Variants in C1orf35 observed in about 807,000 individuals in gnomAD.
C1orf35 encodes the protein chromosome 1 open reading frame 35, also known as multiple myeloma tumor-associated protein 2.
In C1orf35, 36 loss-of-function variants were observed where a neutral mutation model predicts 30.9. The observed-to-expected ratio is 1.16, with a 90% CI of 0.89 to 1.54. C1orf35 has a LOEUF of 1.54. Among genes scored for constraint, C1orf35 ranks in the 40% most tolerant of loss-of-function variants. The probability of loss-of-function intolerance (pLI) is 0.00; values close to 1 mark genes in which losing one functional copy is unlikely to be tolerated. For synonymous variants in C1orf35, 179 were observed against 148.2 expected, an observed-to-expected ratio of 1.21 and a Z score of -1.51; for missense variants, 396 against 358.7, an observed-to-expected ratio of 1.10 and a Z score of -0.84.
chr1:228,102,549 C>T lies in C1orf35; in HGVS notation c.303G>A (p.Glu101=), dbSNP rs2033000198. The T allele has an allele frequency of 6.4e-7, 1 of 1,561,696 alleles. No homozygotes were observed. The highest frequency in any genetic ancestry group is 2.4e-5 in the East Asian group (1 of 41,824). Residue 101 remains glutamate, a synonymous_variant, in exon 4 of 8, where the codon GAG becomes GAA. Coordinates refer to ENST00000272139, the MANE Select transcript of C1orf35 (RefSeq NM_024319.4). ...PTGLSKEDFA[E]VCKREGGDPE... is the part of the protein sequence containing the mutation. Reference sequence around the variant, plus strand: ...GGTCGCCTCCTTCCCGCTTGCAGACCTCCGCGAAGTCCTGCAGGTGCGAGA... The same window carrying T: ...GGTCGCCTCCTTCCCGCTTGCAGACTTCCGCGAAGTCCTGCAGGTGCGAGA...
chr1:228,102,476 A>T lies in C1orf35; in HGVS notation c.374+2T>A. On this transcript the variant is annotated splice_donor_variant, in intron 4 of 7. Transcript: ENST00000272139. LOFTEE classifies it high-confidence loss of function. Reference sequence around the variant, plus strand: ...TGCCCTCCCCTGGAAACCCGCCCGCACCTTGCGCTCCCCAGCCCCAGCAGC... The same window carrying T: ...TGCCCTCCCCTGGAAACCCGCCCGCTCCTTGCGCTCCCCAGCCCCAGCAGC... 6.4e-7 allele frequency: 1 copy of T among 1,557,892 alleles called. No individual in the cohort carries two copies. Among genetic ancestry groups the T allele is most frequent in the Non-Finnish European group, 8.7e-7 (1 of 1,155,854 alleles).
chr1:228,101,085 A>AG lies in C1orf35; in HGVS notation c.*45dup. 1 of 1,605,744 alleles carries AG rather than the reference A, an allele frequency of 6.2e-7. No homozygotes were observed. The highest frequency in any genetic ancestry group is 1.1e-5 in the South Asian group (1 of 90,958). ...CCGAGGCAGGAGGCAAGCAAGGTGA[A>AG]GGGAGGGTTCAGGGTCCCACAACAG... On this transcript the variant is annotated 3_prime_UTR_variant, in exon 8 of 8. Transcript: ENST00000272139.
At position 228,103,312 on chromosome 1, in the gene C1orf35, C is replaced by A; in HGVS notation, c.-85G>T. ...GACCCGCTACCCACTACCGTCGGAC[C>A]CAGGCCCGACCCCGCCTCCGCGTCG... On this transcript the variant is annotated 5_prime_UTR_variant, in exon 1 of 8. Transcript: ENST00000272139. The A allele has an allele frequency of 1.4e-6, 2 of 1,469,082 alleles. No individual in the cohort carries two copies. Among genetic ancestry groups the A allele is most frequent in the Admixed American group, 2.2e-5 (1 of 46,056 alleles). 91.0% of individuals were successfully genotyped at this position (1,469,082 alleles called of 1,614,324 possible).
intron 4 of C1orf35, 48 bp from the exon 5 acceptor site, chr1:228,102,430 C>T: frequency 6.3e-7 from 1 of 1,584,412 alleles, no homozygotes; most frequent in Non-Finnish European, 8.6e-7. Context: ...TCCGCCTCAC[C>T]CGAGCAATCG....
Position 228,100,968 on chromosome 1 carries a change from GA to G in C1orf35, c.*162del. The G allele has an allele frequency of 9.3e-7, 1 of 1,072,850 alleles. No individual in the cohort carries two copies. The highest frequency in any genetic ancestry group is 1.3e-6 in the Non-Finnish European group (1 of 752,512). The allele number at this position is 1,072,850 out of a possible 1,614,324, so 66.5% of individuals were successfully genotyped here. Reference sequence around the variant, plus strand: ...GTTTTCCAGGAAGCCGGCTGCTCCAGAGCTAGCTGTCAAGTCTTTAGCCCCA... The same window carrying G: ...GTTTTCCAGGAAGCCGGCTGCTCCAGGCTAGCTGTCAAGTCTTTAGCCCCA... On this transcript the variant is annotated 3_prime_UTR_variant, in exon 8 of 8. Coordinates refer to ENST00000272139, the MANE Select transcript of C1orf35 (RefSeq NM_024319.4).
In C1orf35 at chr1:228,102,402, A is replaced by T. The variant is rs1169727375; in HGVS notation, c.375-20T>A. The T allele has an allele frequency of 2.5e-6, 4 of 1,607,262 alleles. No individual in the cohort carries two copies. In the East Asian group the frequency reaches 9.0e-5, roughly 36 times the overall value. ...GAGCCACTGCAGGGACATGGCGATG[A>T]AGACAGTACGGCAGGGGTCCGCCTC... On this transcript the variant is annotated intron_variant, in intron 4 of 7. Coordinates refer to ENST00000272139, the MANE Select transcript of C1orf35 (RefSeq NM_024319.4).
intron 4 of C1orf35, 26 bp from the exon 5 acceptor site, chr1:228,102,408 G>A (rs1170996729): frequency 6.2e-7 from 1 of 1,603,382 alleles, no homozygotes; most frequent in South Asian, 1.1e-5. Flanking sequence ...GATGAAGACA[G>A]TACGGCAGGG....
At chr1:228,101,896 G>T in intron 6 of C1orf35, 184 bp downstream of exon 6, 1 of 1,422,316 alleles carries the variant, frequency 7.0e-7, no homozygotes. Flanking sequence ...TCTCTTCAAG[G>T]GTGACCCGAG....
At chr1:228,102,857 C>A (rs1408518236) in intron 2 of C1orf35, 42 bp downstream of exon 2, 1 of 1,378,846 alleles carries the variant, frequency 7.3e-7, no homozygotes, top group Non-Finnish European at 9.3e-7. Context: ...GCCCCGGCAG[C>A]GCCGTCCCAG....
Position 228,102,950 on chromosome 1 carries a change from T to C in C1orf35, c.194A>G (p.Glu65Gly). 2 of 1,516,486 alleles carry C rather than the reference T, an allele frequency of 1.3e-6. No individual in the cohort carries two copies. Among genetic ancestry groups the C allele is most frequent in the Non-Finnish European group, 8.8e-7 (1 of 1,137,908 alleles). 93.9% of individuals were successfully genotyped at this position (1,516,486 alleles called of 1,614,324 possible). Residue 65 changes from glutamate to glycine, a missense_variant, in exon 2 of 8, where the codon GAG becomes GGG. Glu to Gly is a moderately conservative substitution (Grantham distance 98). Coordinates refer to ENST00000272139, the MANE Select transcript of C1orf35 (RefSeq NM_024319.4). ...CGCCTCCCGCACGGCTGCCAGTTCCTCCTCGCGGCTCGGGCCCGCGCATGG... is the reference window on the plus strand; with the variant it reads ...CGCCTCCCGCACGGCTGCCAGTTCCCCCTCGCGGCTCGGGCCCGCGCATGG... Reference protein sequence around the residue: ...RAPCAGPSREEELAAVREAER... With the variant: ...RAPCAGPSREGELAAVREAER...
intron 6 of C1orf35, 68 bp downstream of exon 6, chr1:228,102,012 G>T: frequency 6.9e-7 from 1 of 1,442,964 alleles, no homozygotes. Flanking sequence ...TGCCCGAGTG[G>T]GAGCCGCTCC....
intron 2 of C1orf35, 22 bp from the exon 3 acceptor site, chr1:228,102,710 C>A: frequency 6.2e-7 from 1 of 1,600,236 alleles, no homozygotes; most frequent in Non-Finnish European, 8.5e-7. Flanking sequence ...CCGGGGCAGG[C>A]GTCAGGACGG....
Position 228,100,872 on chromosome 1 carries a change from A to G in C1orf35, c.*259T>C, listed in dbSNP as rs895199503. On this transcript the variant is annotated 3_prime_UTR_variant, in exon 8 of 8. Coordinates refer to ENST00000272139, the MANE Select transcript of C1orf35 (RefSeq NM_024319.4). ...AGGACACAGAGGGAGTCCAGCCTCTACTGATAAATCTGGGCAGGTTCACCT... is the reference window on the plus strand; with the variant it reads ...AGGACACAGAGGGAGTCCAGCCTCTGCTGATAAATCTGGGCAGGTTCACCT... 1.8e-6 allele frequency: 1 copy of G among 549,464 alleles called. No individual in the cohort carries two copies. The highest frequency in any genetic ancestry group is 3.2e-5 in the Admixed American group (1 of 31,380). 34.0% of individuals were successfully genotyped at this position (549,464 alleles called of 1,614,324 possible).
rs773053841 is a variant in C1orf35, at chr1:228,100,745, T to C, written c.*386A>G. 1.6e-5 allele frequency: 3 copies of C among 182,480 alleles called. No individual in the cohort carries two copies. The highest frequency in any genetic ancestry group is 3.5e-5 in the Non-Finnish European group (3 of 86,954). The allele number at this position is 182,480 out of a possible 1,614,324, so 11.3% of individuals were successfully genotyped here. On this transcript the variant is annotated 3_prime_UTR_variant, in exon 8 of 8. Coordinates refer to ENST00000272139, the MANE Select transcript of C1orf35 (RefSeq NM_024319.4). ...TTTGATATACCTTCCTTTTAAAATATATTTATTGAAATACAAAGAGTCAAT... is the reference window on the plus strand; with the variant it reads ...TTTGATATACCTTCCTTTTAAAATACATTTATTGAAATACAAAGAGTCAAT...
At chr1:228,101,928 T>A (rs1341617237) in intron 6 of C1orf35, 152 bp downstream of exon 6, 2 of 1,423,866 alleles carry the variant, frequency 1.4e-6, no homozygotes, top group Non-Finnish European at 1.8e-6. Flanking sequence ...GAGAAAAACC[T>A]AGGAGTAACT....
rs2033004946 is a variant in C1orf35 at position 228,102,671 on chromosome 1, T to C, written c.263A>G (p.Lys88Arg). ...CTTGCTCAGGCCCGTGGGCTGCTTC[T>C]TCACGTTCTTGTAGCCACTGCGAGA... ...LLAALGYKNVKKQPTGLSKED... is the reference protein window; with the variant it reads ...LLAALGYKNVRKQPTGLSKED... The change falls in exon 3 of 8, where the codon AAG (lysine) becomes AGG (arginine). Residue 88 changes from lysine to arginine, a missense_variant. By Grantham distance (26) the Lys-to-Arg change is conservative. Transcript: ENST00000272139. 3 of 1,609,124 alleles carry C rather than the reference T, an allele frequency of 1.9e-6. No homozygotes were observed. The South Asian group carries it at 3.3e-5, about 18-fold the overall frequency.
chr1:228,102,946 T>C lies in C1orf35; in HGVS notation c.198A>G (p.Glu66=). 2 of 1,516,732 alleles carry C rather than the reference T, an allele frequency of 1.3e-6. No individual in the cohort carries two copies. Among genetic ancestry groups the C allele is most frequent in the Non-Finnish European group, 1.8e-6 (2 of 1,137,834 alleles). The allele number at this position is 1,516,732 out of a possible 1,614,324, so 94.0% of individuals were successfully genotyped here. A position where few individuals can be genotyped will look rare whatever the true frequency, so the allele number is the denominator to read the frequency against. Residue 66 remains glutamate, a synonymous_variant, in exon 2 of 8, where the codon GAA becomes GAG. Transcript: ENST00000272139. ...APCAGPSREE[E]LAAVREAERE... The stretch of plus-strand genomic sequence containing the variant: ...GCTCCGCCTCCCGCACGGCTGCCAG[T>C]TCCTCCTCGCGGCTCGGGCCCGCGC...
In C1orf35 at chr1:228,102,261, G is replaced by A. The variant is rs777713372; in HGVS notation, c.447+49C>T. On this transcript the variant is annotated intron_variant, in intron 5 of 7. Coordinates refer to ENST00000272139, the MANE Select transcript of C1orf35 (RefSeq NM_024319.4). Reference sequence around the variant, plus strand: ...GAGCTCCGTTCAGTGCCCCCGCCCCGCCCCACCCCTGTTAGCCCCTGCTGC... The same window carrying A: ...GAGCTCCGTTCAGTGCCCCCGCCCCACCCCACCCCTGTTAGCCCCTGCTGC... 5.0e-6 allele frequency: 8 copies of A among 1,594,730 alleles called. No individual in the cohort carries two copies. The East Asian group carries it at 6.8e-5, about 14-fold the overall frequency.
intron 6 of C1orf35, chr1:228,101,874 G>C: frequency 1.4e-6 from 2 of 1,418,694 alleles, no homozygotes; most frequent in Non-Finnish European, 1.8e-6. Flanking sequence ...ACCACTGCCA[G>C]TACTTAGGAC....
Sources: gnomAD v4.1 joint callset for allele counts on GRCh38, gnomAD v4.1.1 for gene constraint, MANE v1.5 for transcripts, NCBI Gene and HGNC (gene_info 2026-07-23, HGNC 2026-07-21) for gene names.